The following GALNT10 variants were observed in gnomAD, a reference collection of about 807,000 sequenced individuals.
The protein encoded by GALNT10 is GalNAc transferase 10.
GALNT10 carries 41 observed loss-of-function variants against 75.0 expected under a neutral mutation model. The ratio of observed to expected loss-of-function variants is 0.55; its 90% CI spans 0.43 to 0.71. The LOEUF (loss-of-function observed/expected upper bound fraction) is 0.71. GALNT10 is among the 30% of genes least tolerant of loss of function. The probability of loss-of-function intolerance (pLI) is 0.00; values close to 1 mark genes in which losing one functional copy is unlikely to be tolerated. For missense variants in GALNT10, 727 were observed against 818.5 expected, an observed-to-expected ratio of 0.89 and a Z score of 1.36; for synonymous variants, 302 against 313.0, an observed-to-expected ratio of 0.96 and a Z score of 0.37.
intron 1 of GALNT10, among the ~76,000 whole-genome samples, chr5:154,235,533 C>T (rs988787299): frequency 6.6e-6 from 1 of 152,078 alleles, no homozygotes; most frequent in Non-Finnish European, 1.5e-5. Context: ...CTGGAACCCA[C>T]GTGTGTGTTT....
Position 154,376,276 on chromosome 5 carries a change from G to C in GALNT10, c.569-1G>C. ...CTCTTCTGTCCTCTTCTGTCTCATA[G>C]AGCACCTGAAGAAGCCTCTTGAAGA... is the stretch of plus-strand genomic sequence containing the variant. On this transcript the variant is annotated splice_acceptor_variant, in intron 4 of 11. Coordinates refer to ENST00000297107, the MANE Select transcript of GALNT10 (RefSeq NM_198321.4). LOFTEE classifies it high-confidence loss of function. The surrounding 1 kb of genome is among the most constrained non-coding windows in gnomAD (Gnocchi z 4.1). 1 of 1,599,684 alleles carries C rather than the reference G, an allele frequency of 6.3e-7. No homozygotes were observed.
intron 3 of GALNT10, among the ~76,000 whole-genome samples, chr5:154,317,068 T>C (rs1754603809): frequency 6.6e-6 from 1 of 152,168 alleles, no homozygotes; most frequent in Non-Finnish European, 1.5e-5. Context: ...CCCTATTCCA[T>C]AGATAAGGAA....
intron 1 of GALNT10, among the ~76,000 whole-genome samples, chr5:154,250,714 T>A (rs377426130): frequency 1.2e-4 from 18 of 152,310 alleles, no homozygotes; most frequent in African/African-American, 4.1e-4. Context: ...TCAATCCTTG[T>A]TGAGAAACAT....
chr5:154,383,110 T>G (rs1007895731), intron 6 of GALNT10, among the ~76,000 whole-genome samples: 2 of 152,218 alleles, frequency 1.3e-5, no homozygotes, highest in African/African-American at 4.8e-5. Flanking sequence ...CAGTCACTGG[T>G]GTAGATGCTT....
Position 154,376,235 on chromosome 5 carries a change from T to C in GALNT10, c.569-42T>C, listed in dbSNP as rs1475472347. 2 of 1,329,728 alleles carry C rather than the reference T, an allele frequency of 1.5e-6. No homozygotes were observed. The highest frequency in any genetic ancestry group is 1.1e-6 in the Non-Finnish European group (1 of 930,688). The allele number at this position is 1,329,728 out of a possible 1,614,324, so 82.4% of individuals were successfully genotyped here. A position where few individuals can be genotyped will look rare whatever the true frequency, so the allele number is the denominator to read the frequency against. Reference sequence around the variant, plus strand: ...AGGGAGGAGTCATAAGGATGACTACTAAGCAACTGTTCTCACTCTTCTGTC... The same window carrying C: ...AGGGAGGAGTCATAAGGATGACTACCAAGCAACTGTTCTCACTCTTCTGTC... On this transcript the variant is annotated intron_variant, in intron 4 of 11. Transcript: ENST00000297107. This position sits in a 1 kb window ranked among gnomAD's most constrained non-coding sequence, Gnocchi z 4.1.
chr5:154,346,876 C>T (rs1755130632), intron 4 of GALNT10, among the ~76,000 whole-genome samples: 1 of 152,016 alleles, frequency 6.6e-6, no homozygotes, highest in African/African-American at 2.4e-5. Context: ...GCTACTTTCT[C>T]AGAGTTTTAT....
chr5:154,269,459 A>G lies in GALNT10; in HGVS notation c.160-25357A>G, dbSNP rs144407738. ...ATATACTAGAACCACTTGGTCTATT[A>G]TGATGTGCTTCCTCCTTCATGTGGT... On this transcript the variant is annotated intron_variant, in intron 1 of 11. Coordinates refer to ENST00000297107, the MANE Select transcript of GALNT10 (RefSeq NM_198321.4). Among the ~76,000 whole-genome samples, 60 of 152,348 alleles carry G rather than the reference A, an allele frequency of 3.9e-4. No homozygotes were observed. In the East Asian group the frequency reaches 4.8e-3, roughly 12 times the overall value.
chr5:154,233,000 AC>A (rs2113663584), intron 1 of GALNT10, among the ~76,000 whole-genome samples: 1 of 152,336 alleles, frequency 6.6e-6, no homozygotes, highest in East Asian at 1.9e-4. Flanking sequence ...CAGCTATGCC[AC>A]TTACAAGGTC....
intron 4 of GALNT10, among the ~76,000 whole-genome samples, chr5:154,349,211 T>C (rs1199643192): frequency 2.0e-5 from 3 of 151,990 alleles, no homozygotes; most frequent in African/African-American, 7.3e-5. Flanking sequence ...GCAAAAGCAC[T>C]GAGGCAGGAT....
At chr5:154,228,404 C>T (rs1241132780) in intron 1 of GALNT10, among the ~76,000 whole-genome samples, 1 of 152,176 alleles carries the variant, frequency 6.6e-6, no homozygotes, top group African/African-American at 2.4e-5. Context: ...TATATGAACT[C>T]ATATTTCTTG....
chr5:154,391,779 C>T (rs981203244), intron 7 of GALNT10, among the ~76,000 whole-genome samples: 11 of 152,236 alleles, frequency 7.2e-5, no homozygotes, highest in Non-Finnish European at 1.2e-4. Context: ...CGGGCTAGGT[C>T]TCTCTCAATG....
chr5:154,258,230 A>C (rs2113021699), intron 1 of GALNT10, among the ~76,000 whole-genome samples: 1 of 152,252 alleles, frequency 6.6e-6, no homozygotes, highest in South Asian at 2.1e-4. Context: ...TTTAGAGAAA[A>C]GTAGACCCAG....
chr5:154,285,161 A>G (rs1371084177), intron 1 of GALNT10, among the ~76,000 whole-genome samples: 2 of 152,116 alleles, frequency 1.3e-5, no homozygotes, highest in Non-Finnish European at 2.9e-5. Flanking sequence ...TTATCTTCCT[A>G]GAGTAGGCTC....
intron 1 of GALNT10, among the ~76,000 whole-genome samples, chr5:154,255,774 A>G (rs1753597835): frequency 6.6e-6 from 1 of 152,000 alleles, no homozygotes; most frequent in African/African-American, 2.4e-5. Flanking sequence ...CTGGGAGGTT[A>G]CTAAGGGGTA....
At chr5:154,230,187 T>C (rs1394774879) in intron 1 of GALNT10, among the ~76,000 whole-genome samples, 1 of 152,244 alleles carries the variant, frequency 6.6e-6, no homozygotes, top group Non-Finnish European at 1.5e-5. Context: ...CGCAAAGCTT[T>C]ATGTCCCTGA....
rs143405944 is a variant in GALNT10, at chr5:154,362,911, G to A, written c.569-13366G>A. 1.8e-3 allele frequency among the ~76,000 whole-genome samples: 280 copies of A among 152,268 alleles called. 1 individual carries two copies. Among genetic ancestry groups the A allele is most frequent in the Non-Finnish European group, 2.2e-3 (152 of 68,026 alleles). ...TTGTCTTCTGGAGGCAGAGAGCATG[G>A]TGTCAGGGCGAGGGCATAAGCTGTT... On this transcript the variant is annotated intron_variant, in intron 4 of 11. Coordinates refer to ENST00000297107, the MANE Select transcript of GALNT10 (RefSeq NM_198321.4).
chr5:154,234,385 G>A (rs1299462791), intron 1 of GALNT10, among the ~76,000 whole-genome samples: 1 of 152,080 alleles, frequency 6.6e-6, no homozygotes, highest in Non-Finnish European at 1.5e-5. Context: ...CAGGCTCATA[G>A]GCTAAAAGAG....
chr5:154,395,407 G>T (rs1755995208), intron 7 of GALNT10, among the ~76,000 whole-genome samples: 1 of 152,210 alleles, frequency 6.6e-6, no homozygotes, highest in Non-Finnish European at 1.5e-5. Flanking sequence ...TTATTTAGGG[G>T]ATGGAATAAT....
At chr5:154,307,219 A>G (rs937609666) in intron 3 of GALNT10, among the ~76,000 whole-genome samples, 2 of 152,262 alleles carry the variant, frequency 1.3e-5, no homozygotes, top group African/African-American at 4.8e-5. Context: ...GAATAGTCCT[A>G]TATCTATTGA....
Sources: allele counts gnomAD v4.1 joint callset (sites outside exome capture counted in the v4.1 genomes callset), GRCh38; gene constraint gnomAD v4.1.1; non-coding constraint Gnocchi (gnomAD v3.1); transcripts MANE v1.5; gene names NCBI Gene and HGNC (gene_info 2026-07-23, HGNC 2026-07-21).